TTC27: variants seen among roughly 807,000 people sequenced by gnomAD.
The protein encoded by TTC27 is tetratricopeptide repeat protein 27.
A neutral mutation model predicts 115.9 loss-of-function variants in TTC27; 79 were observed. The ratio of observed to expected loss-of-function variants is 0.68; its 90% CI spans 0.57 to 0.82. The LOEUF is 0.82. Among genes scored for constraint, TTC27 ranks in the 40% least tolerant of loss-of-function variants. TTC27 has a pLI of 0.00. For synonymous variants in TTC27, 401 were observed against 356.0 expected (o/e 1.13, Z -1.42); for missense variants, 1,054 against 993.1 (o/e 1.06, Z -0.82).
intron 9 of TTC27, among the ~76,000 whole-genome samples, chr2:32,679,606 C>T (rs1666346330): frequency 1.3e-5 from 2 of 152,100 alleles, no homozygotes. Context: ...TTTTCATTAT[C>T]TTAGTTGGGA....
intron 10 of TTC27, among the ~76,000 whole-genome samples, chr2:32,704,559 A>C (rs887103657): frequency 6.6e-6 from 1 of 152,162 alleles, no homozygotes; most frequent in African/African-American, 2.4e-5. Flanking sequence ...AAGAATTCCC[A>C]TATAGCCTTC....
chr2:32,778,416 G>A (rs765113826), intron 14 of TTC27, among the ~76,000 whole-genome samples: 21 of 152,086 alleles, frequency 1.4e-4, no homozygotes, highest in African/African-American at 2.2e-4. Flanking sequence ...TTGTGCAACC[G>A]TCCACTACAA....
At chr2:32,781,767 G>T (rs1044368144) in intron 14 of TTC27, among the ~76,000 whole-genome samples, 1 of 152,240 alleles carries the variant, frequency 6.6e-6, no homozygotes, top group Non-Finnish European at 1.5e-5. Context: ...TTTTCTTAAG[G>T]TATAACCTCT....
intron 9 of TTC27, among the ~76,000 whole-genome samples, chr2:32,680,198 CTG>C (rs1666369819): frequency 6.6e-6 from 1 of 152,032 alleles, no homozygotes; most frequent in Non-Finnish European, 1.5e-5. Context: ...TTTTAGGTAA[CTG>C]TGGAAATGTT....
At chr2:32,754,920 G>A (rs1248884905) in intron 12 of TTC27, among the ~76,000 whole-genome samples, 7 of 150,338 alleles carry the variant, frequency 4.7e-5, no homozygotes, top group African/African-American at 1.7e-4. Context: ...TGCCGGGCGG[G>A]GATGCTCCTC....
At chr2:32,813,479 G>A (rs1342975833) in intron 18 of TTC27, among the ~76,000 whole-genome samples, 5 of 152,134 alleles carry the variant, frequency 3.3e-5, no homozygotes, top group Admixed American at 6.5e-5. Flanking sequence ...TAACTTCTCT[G>A]AGCCTTACTT....
intron 13 of TTC27, among the ~76,000 whole-genome samples, chr2:32,760,059 G>A (rs1669381405): frequency 6.6e-6 from 1 of 152,180 alleles, no homozygotes; most frequent in South Asian, 2.1e-4. Flanking sequence ...GAACATGGGT[G>A]TGCAGAAATT....
At position 32,795,535 on chromosome 2, in the gene TTC27, T is replaced by TC. The variant is rs771197830; in HGVS notation, c.1998+8386_1998+8387insC. On this transcript the variant is annotated intron_variant, in intron 16 of 19. Transcript: ENST00000317907. ...GAAAGACTGAAAGCTTCTTTTCTTATTTATTTATTTATTTATTTATTTATT... is the reference window on the plus strand; with the variant it reads ...GAAAGACTGAAAGCTTCTTTTCTTATCTTATTTATTTATTTATTTATTTATT... Among the ~76,000 whole-genome samples the TC allele has an allele frequency of 5.7e-5, 3 of 52,650 alleles. No homozygotes were observed. In the East Asian group the frequency reaches 1.5e-3, roughly 26 times the overall value. 34.5% of individuals were successfully genotyped at this position (52,650 alleles called of 152,430 possible).
At chr2:32,710,101 T>C (rs1161082133) in intron 10 of TTC27, among the ~76,000 whole-genome samples, 4 of 152,160 alleles carry the variant, frequency 2.6e-5, no homozygotes, top group Non-Finnish European at 4.4e-5. Context: ...CTGAAACCTC[T>C]GTGTCTTGAG....
chr2:32,685,848 C>T (rs1325920941), intron 9 of TTC27, among the ~76,000 whole-genome samples: 1 of 151,934 alleles, frequency 6.6e-6, no homozygotes, highest in African/African-American at 2.4e-5. Context: ...AACTAGAATC[C>T]TAGTAGTGCA....
intron 13 of TTC27, among the ~76,000 whole-genome samples, chr2:32,773,429 T>C (rs1669894398): frequency 6.6e-6 from 1 of 152,238 alleles, no homozygotes; most frequent in South Asian, 2.1e-4. Flanking sequence ...AATTATCTTT[T>C]GGGTTTTCCC....
In TTC27 at chr2:32,820,800, G is replaced by T. The variant is rs1558361001; in HGVS notation, c.2410-16G>T. Reference sequence around the variant, plus strand: ...TGTGTTGTTTTAATACTTCTGCTTTGTTTTTTATATTACAGCAACTTTTTA... The same window carrying T: ...TGTGTTGTTTTAATACTTCTGCTTTTTTTTTTATATTACAGCAACTTTTTA... On this transcript the variant is annotated splice_polypyrimidine_tract_variant and intron_variant, in intron 19 of 19. Transcript: ENST00000317907. 6.6e-7 allele frequency: 1 copy of T among 1,522,794 alleles called. No homozygotes were observed. The highest frequency in any genetic ancestry group is 2.5e-5 in the East Asian group (1 of 40,462). 94.3% of individuals were successfully genotyped at this position (1,522,794 alleles called of 1,614,324 possible).
chr2:32,632,837 T>C (rs1285632106), intron 2 of TTC27, among the ~76,000 whole-genome samples: 1 of 152,178 alleles, frequency 6.6e-6, no homozygotes, highest in Non-Finnish European at 1.5e-5. Flanking sequence ...TAATTTAGGG[T>C]TTGGCACATT....
At chr2:32,692,024 T>C (rs558295559) in intron 9 of TTC27, among the ~76,000 whole-genome samples, 216 of 148,100 alleles carry the variant, frequency 1.5e-3, no homozygotes, top group Non-Finnish European at 2.8e-3. Context: ...ATATTCTTTT[T>C]TAATTTTTTA....
At chr2:32,695,952 T>C (rs1572523320) in intron 9 of TTC27, among the ~76,000 whole-genome samples, 1 of 149,572 alleles carries the variant, frequency 6.7e-6, no homozygotes, top group South Asian at 2.1e-4. Context: ...TAAAAATAAA[T>C]AAACAAATAA....
At chr2:32,750,221 T>C (rs1668962483) in intron 12 of TTC27, among the ~76,000 whole-genome samples, 2 of 152,186 alleles carry the variant, frequency 1.3e-5, no homozygotes, top group South Asian at 2.1e-4. Flanking sequence ...ATTATATCTA[T>C]ATAGCTATTA....
intron 6 of TTC27, among the ~76,000 whole-genome samples, chr2:32,665,690 C>T (rs949006990): frequency 1.3e-5 from 2 of 151,958 alleles, no homozygotes; most frequent in Non-Finnish European, 1.5e-5. Flanking sequence ...GTCAGGAGAT[C>T]GAGACCATCC....
chr2:32,714,602 T>C (rs1175729887), intron 10 of TTC27, among the ~76,000 whole-genome samples: 3 of 152,334 alleles, frequency 2.0e-5, no homozygotes, highest in African/African-American at 7.2e-5. Context: ...TTTGGGTATA[T>C]AAACAGTAAT....
At chr2:32,709,490 C>A (rs1469366284) in intron 10 of TTC27, among the ~76,000 whole-genome samples, 1 of 152,034 alleles carries the variant, frequency 6.6e-6, no homozygotes, top group East Asian at 1.9e-4. Flanking sequence ...GGGGATGGGA[C>A]CCAAATCTAA....
Sources: allele counts gnomAD v4.1 joint callset (sites outside exome capture counted in the v4.1 genomes callset), GRCh38; gene constraint gnomAD v4.1.1; transcripts MANE v1.5; gene names NCBI Gene and HGNC (gene_info 2026-07-23, HGNC 2026-07-21).